ANKRD31: variants seen among roughly 807,000 people sequenced by gnomAD.
The protein encoded by ANKRD31 is ankyrin repeat domain 31, also known as ankyrin repeat domain-containing protein 31.
A neutral mutation model predicts 186.0 loss-of-function variants in ANKRD31; 147 were observed. That is an observed-to-expected ratio of 0.79 (90% confidence interval 0.69 to 0.91). The LOEUF (loss-of-function observed/expected upper bound fraction) is 0.91. Among genes scored for constraint, ANKRD31 ranks in the 40% least tolerant of loss-of-function variants. ANKRD31 has a pLI of 0.00. For missense variants in ANKRD31, 1,986 were observed against 2,148.8 expected, an observed-to-expected ratio of 0.92 and a Z score of 1.50; for synonymous variants, 673 against 736.4, an observed-to-expected ratio of 0.91 and a Z score of 1.39.
intron 18 of ANKRD31, among the ~76,000 whole-genome samples, chr5:75,116,960 GA>G: frequency 6.6e-6 from 1 of 152,220 alleles, no homozygotes; most frequent in African/African-American, 2.4e-5. Flanking sequence ...TATAGAAGAG[GA>G]AAGTGAGGCT....
chr5:75,231,021 A>C (rs1262657690), intron 1 of ANKRD31, among the ~76,000 whole-genome samples: 1 of 152,160 alleles, frequency 6.6e-6, no homozygotes, highest in Non-Finnish European at 1.5e-5. Context: ...TGAAATTAAT[A>C]TCCCAGGATT....
At chr5:75,086,537 G>C (rs1184080981) in intron 23 of ANKRD31, among the ~76,000 whole-genome samples, 1 of 152,208 alleles carries the variant, frequency 6.6e-6, no homozygotes, top group Non-Finnish European at 1.5e-5. Flanking sequence ...AGAGCTGGAG[G>C]CTAAGTTCTC....
intron 1 of ANKRD31, among the ~76,000 whole-genome samples, chr5:75,233,640 G>A (rs1758083066): frequency 6.6e-6 from 1 of 152,042 alleles, no homozygotes; most frequent in African/African-American, 2.4e-5. Flanking sequence ...TAAGGGCCGG[G>A]CACAGTGACT....
intron 23 of ANKRD31, among the ~76,000 whole-genome samples, chr5:75,085,849 C>T (rs965388762): frequency 5.3e-5 from 8 of 152,138 alleles, no homozygotes; most frequent in African/African-American, 1.7e-4. Context: ...TAGCACATTC[C>T]GAGTACTCAA....
chr5:75,111,910 A>G (rs1747819511), intron 20 of ANKRD31, among the ~76,000 whole-genome samples: 1 of 152,180 alleles, frequency 6.6e-6, no homozygotes, highest in African/African-American at 2.4e-5. Context: ...ACCACCTTCC[A>G]CTGCACTATT....
chr5:75,127,581 C>A (rs1014366123), intron 17 of ANKRD31, among the ~76,000 whole-genome samples: 2 of 152,152 alleles, frequency 1.3e-5, no homozygotes, highest in African/African-American at 4.8e-5. Flanking sequence ...AATCGTCCAA[C>A]ATTATTCTTT....
chr5:75,199,826 A>G (rs1241727571), intron 5 of ANKRD31, among the ~76,000 whole-genome samples, 152 bp from the exon 6 acceptor site: 2 of 152,142 alleles, frequency 1.3e-5, no homozygotes, highest in Non-Finnish European at 2.9e-5. Flanking sequence ...TATTAGTATA[A>G]AAGTATTATT....
Position 75,146,293 on chromosome 5 carries a change from T to A in ANKRD31, c.3118A>T (p.Arg1040Ter). ...LFKKPQDYIP[R>*]APTFLMNQTD... Reference sequence around the variant, plus strand: ...TGATTCATTAAAAAAGTTGGTGCTCTGGGAATATAATCCTGTGGCTTTTTG... The same window carrying A: ...TGATTCATTAAAAAAGTTGGTGCTCAGGGAATATAATCCTGTGGCTTTTTG... Residue 1040 changes from arginine (R) to a stop codon, truncating the protein, a stop_gained, in exon 14 of 26, where the codon AGA (arginine) becomes TGA (stop). Transcript: ENST00000506364. LOFTEE classifies it high-confidence loss of function. 6.5e-7 allele frequency: 1 copy of A among 1,536,540 alleles called. No homozygotes were observed. The highest frequency in any genetic ancestry group is 2.4e-5 in the East Asian group (1 of 40,878).
In ANKRD31 at chr5:75,081,654, G is replaced by A. The variant is rs563291386; in HGVS notation, c.5576-1015C>T. Among the ~76,000 whole-genome samples, 4 of 152,034 alleles carry A rather than the reference G, an allele frequency of 2.6e-5. No homozygotes were observed. In the East Asian group the frequency reaches 7.7e-4, roughly 29 times the overall value. On this transcript the variant is annotated intron_variant, in intron 24 of 25. Coordinates refer to ENST00000506364, the MANE Select transcript of ANKRD31 (RefSeq NM_001372053.1). ...GCATTTGTTTGGTTTTCCTTCAAGT[G>A]TGTGTTTGGGGTGGGTGGTGGGGAG...
chr5:75,234,620 T>C (rs1450302844), intron 1 of ANKRD31, among the ~76,000 whole-genome samples: 1 of 152,214 alleles, frequency 6.6e-6, no homozygotes, highest in Non-Finnish European at 1.5e-5. Flanking sequence ...AGGTGTTTGA[T>C]TGTTTTGTAA....
intron 22 of ANKRD31, among the ~76,000 whole-genome samples, chr5:75,099,648 G>A (rs1230029186): frequency 6.6e-6 from 1 of 152,050 alleles, no homozygotes; most frequent in East Asian, 1.9e-4. Context: ...CTTCTTCCTG[G>A]TTTAGTCTTG....
At chr5:75,186,322 T>G (rs1754710043) in intron 10 of ANKRD31, among the ~76,000 whole-genome samples, 1 of 152,206 alleles carries the variant, frequency 6.6e-6, no homozygotes, top group Non-Finnish European at 1.5e-5. Flanking sequence ...AGATTTATGA[T>G]TACACTAAAA....
At chr5:75,118,776 ATGT>A (rs1245212356) in intron 17 of ANKRD31, among the ~76,000 whole-genome samples, 1 of 152,150 alleles carries the variant, frequency 6.6e-6, no homozygotes, top group East Asian at 1.9e-4. Context: ...ACAGATCTAG[ATGT>A]TGTGCAGATT....
chr5:75,096,043 A>G (rs993942452), intron 22 of ANKRD31, among the ~76,000 whole-genome samples: 2 of 152,214 alleles, frequency 1.3e-5, no homozygotes, highest in Non-Finnish European at 1.5e-5. Context: ...ATTCTTCTCA[A>G]TTGCACAGGG....
At chr5:75,198,657 C>A (rs1316903162) in intron 6 of ANKRD31, among the ~76,000 whole-genome samples, 11 of 152,100 alleles carry the variant, frequency 7.2e-5, no homozygotes, top group African/African-American at 2.2e-4. Flanking sequence ...AGAGAGGGAG[C>A]AATTACTTTG....
intron 17 of ANKRD31, among the ~76,000 whole-genome samples, chr5:75,135,603 A>G (rs1235947216): frequency 1.3e-5 from 2 of 152,204 alleles, no homozygotes; most frequent in Non-Finnish European, 2.9e-5. Flanking sequence ...AAGGTAATTT[A>G]TAGATTCAAT....
At chr5:75,155,275 T>A (rs988574555) in intron 11 of ANKRD31, among the ~76,000 whole-genome samples, 1 of 152,066 alleles carries the variant, frequency 6.6e-6, no homozygotes, top group African/African-American at 2.4e-5. Context: ...TGTATGTATG[T>A]ATATATACAT....
intron 17 of ANKRD31, among the ~76,000 whole-genome samples, chr5:75,118,617 T>C (rs1166541094): frequency 6.6e-6 from 1 of 152,228 alleles, no homozygotes; most frequent in Non-Finnish European, 1.5e-5. Context: ...AAATGTTCTA[T>C]ATCTGCTCTG....
In ANKRD31 at chr5:75,146,975, GT is replaced by G. The variant is rs919285315; in HGVS notation, c.2435del (p.Asn812ThrfsTer15). Reference protein sequence around the residue: ...CSVSKEKHIQNLDLSDSQEVQ... With the variant: ...CSVSKEKHIQXLDLSDSQEVQ... ...CTTCTTGACTATCTGATAAATCCAG[GT>G]TCTGGATGTGTTTCTCTTTGGAAAC... On this transcript the variant is annotated frameshift_variant, in exon 14 of 26. Coordinates refer to ENST00000506364, the MANE Select transcript of ANKRD31 (RefSeq NM_001372053.1). LOFTEE classifies it high-confidence loss of function. 10 of 1,536,188 alleles carry G rather than the reference GT, an allele frequency of 6.5e-6. No homozygotes were observed. Among genetic ancestry groups the G allele is most frequent in the African/African-American group, 1.4e-5 (1 of 72,976 alleles).
Sources: allele counts gnomAD v4.1 joint callset (sites outside exome capture counted in the v4.1 genomes callset), GRCh38; gene constraint gnomAD v4.1.1; transcripts MANE v1.5; gene names NCBI Gene and HGNC (gene_info 2026-07-23, HGNC 2026-07-21).